The following UNC13B variants were observed in gnomAD, a reference collection of about 807,000 sequenced individuals.
The protein encoded by UNC13B is protein unc-13 homolog B.
In UNC13B, 144 loss-of-function variants were observed where a neutral mutation model predicts 211.0. That is an observed-to-expected ratio of 0.68 (90% confidence interval 0.60 to 0.78). The LOEUF (loss-of-function observed/expected upper bound fraction) is 0.78, where lower values mean the gene tolerates loss of function less well. Ranked by LOEUF, UNC13B falls within the 30% of genes least tolerant of loss-of-function variation. The pLI is 0.00. For synonymous variants in UNC13B, 709 were observed against 725.8 expected, an observed-to-expected ratio of 0.98 and a Z score of 0.37; for missense variants, 1,777 against 2,002.0, an observed-to-expected ratio of 0.89 and a Z score of 2.14.
At chr9:35,350,529 A>G (rs1234124932) in intron 11 of UNC13B, among the ~76,000 whole-genome samples, 2 of 152,172 alleles carry the variant, frequency 1.3e-5, no homozygotes, top group Non-Finnish European at 2.9e-5. Flanking sequence ...AGAGAGTATT[A>G]AGTGGAGCTC....
Position 35,243,329 on chromosome 9 carries a change from T to C in UNC13B, c.433T>C (p.Trp145Arg), listed in dbSNP as rs1347641134. 3 of 1,613,532 alleles carry C rather than the reference T, an allele frequency of 1.9e-6. No homozygotes were observed. Among genetic ancestry groups the C allele is most frequent in the African/African-American group, 1.3e-5 (1 of 75,012 alleles). Residue 145 changes from tryptophan (W) to arginine (R), a missense_variant, in exon 6 of 40, where the codon TGG becomes CGG. Transcript: ENST00000635942. ...EEEARYWTYKWEQINALGADN... is the reference protein window; with the variant it reads ...EEEARYWTYKREQINALGADN... ...GGAAGCCAGATATTGGACCTACAAA[T>C]GGGAGCAAATCAATGCCTTGGGAGC... is the stretch of plus-strand genomic sequence containing the variant.
intron 1 of UNC13B, among the ~76,000 whole-genome samples, chr9:35,224,962 C>T (rs765718872): frequency 6.6e-5 from 10 of 151,520 alleles, no homozygotes; most frequent in Non-Finnish European, 1.2e-4. Context: ...ATAGAAAAGG[C>T]GTTTGATAAA....
At chr9:35,339,403 C>T (rs1424721567) in intron 11 of UNC13B, among the ~76,000 whole-genome samples, 1 of 152,172 alleles carries the variant, frequency 6.6e-6, no homozygotes, top group Non-Finnish European at 1.5e-5. Context: ...ATGTGGCTCA[C>T]AAAACAAATT....
intron 21 of UNC13B, among the ~76,000 whole-genome samples, 176 bp from the exon 22 acceptor site, chr9:35,384,070 A>G (rs1203111364): frequency 3.3e-5 from 5 of 152,056 alleles, no homozygotes; most frequent in African/African-American, 1.2e-4. Context: ...GGGACTTTCT[A>G]TCTCATTTTT....
chr9:35,386,152 T>C lies in UNC13B; in HGVS notation c.10966-13T>C, dbSNP rs1234167379. On this transcript the variant is annotated splice_polypyrimidine_tract_variant and intron_variant, in intron 23 of 39. Transcript: ENST00000635942. ...CAGGTCCTTGGGCCCATATTTCTTC[T>C]TTTAATTGGCAGGTACAAGAACTGC... 1 of 1,614,080 alleles carries C rather than the reference T, an allele frequency of 6.2e-7. No individual in the cohort carries two copies. The highest frequency in any genetic ancestry group is 2.2e-5 in the East Asian group (1 of 44,882).
chr9:35,319,402 C>CAAAAAAA (rs74176715), intron 11 of UNC13B, among the ~76,000 whole-genome samples: 1 of 56,188 alleles, frequency 1.8e-5, no homozygotes, highest in Admixed American at 2.1e-4. Flanking sequence ...GACCCTATCT[C>CAAAAAAA]AAAAAAAAAA....
chr9:35,258,067 A>G (rs951486628), intron 6 of UNC13B, among the ~76,000 whole-genome samples: 1 of 152,244 alleles, frequency 6.6e-6, no homozygotes, highest in Non-Finnish European at 1.5e-5. Flanking sequence ...AAGGCCTTGC[A>G]CGTAGTGGAT....
At chr9:35,312,394 A>C (rs1830222109) in intron 10 of UNC13B, among the ~76,000 whole-genome samples, 1 of 152,164 alleles carries the variant, frequency 6.6e-6, no homozygotes, top group African/African-American at 2.4e-5. Context: ...GACATCCAGG[A>C]GGTGAGCTGT....
chr9:35,162,180 A>G lies in UNC13B; in HGVS notation c.-104A>G. 1 of 1,507,734 alleles carries G rather than the reference A, an allele frequency of 6.6e-7. No homozygotes were observed. The highest frequency in any genetic ancestry group is 8.9e-7 in the Non-Finnish European group (1 of 1,119,540). The allele number at this position is 1,507,734 out of a possible 1,614,324, so 93.4% of individuals were successfully genotyped here. ...GACCGGGACCATGAGGAGCTGCCAGACCCGTGGGGCCGGTAACGAGAGCAG... is the reference window on the plus strand; with the variant it reads ...GACCGGGACCATGAGGAGCTGCCAGGCCCGTGGGGCCGGTAACGAGAGCAG... On this transcript the variant is annotated 5_prime_UTR_variant, in exon 1 of 40. Coordinates refer to ENST00000635942, the MANE Select transcript of UNC13B (RefSeq NM_001371189.2).
intron 34 of UNC13B, 21 bp downstream of exon 34, chr9:35,399,305 TTCC>T: frequency 6.2e-7 from 1 of 1,614,158 alleles, no homozygotes. Context: ...CTCCTTCCAC[TTCC>T]TCCTGCTGTC....
At position 35,306,140 on chromosome 9, in the gene UNC13B, T is replaced by C. The variant is rs3780729; in HGVS notation, c.6736T>C (p.Cys2246Arg). ...STVVPVTSQP[C>R]KKTNVFVESG... is the part of the protein sequence containing the mutation. ...TGTTGTTCCAGTGACCTCCCAGCCC[T>C]GTAAGAAGACAAATGTTTTTGTAGA... Residue 2246 changes from cysteine (C) to arginine (R), a missense_variant, in exon 9 of 40, where the codon TGT (cysteine) becomes CGT (arginine). Cys to Arg is a radical substitution (Grantham distance 180). Transcript: ENST00000635942. The C allele has an allele frequency of 0.087, 34,602 of 398,950 alleles. 2,306 individuals carry two copies. The highest frequency in any genetic ancestry group is 0.28 in the East Asian group (7,960 of 28,062). 24.7% of individuals were successfully genotyped at this position (398,950 alleles called of 1,614,324 possible).
Position 35,397,231 on chromosome 9 carries a change from A to G in UNC13B, c.11597A>G (p.Asn3866Ser), listed in dbSNP as rs370999495. The G allele has an allele frequency of 1.0e-4, 163 of 1,613,992 alleles. No homozygotes were observed. The highest frequency in any genetic ancestry group is 3.3e-4 in the Middle Eastern group (2 of 6,070). The change falls in exon 29 of 40, where the codon AAT becomes AGT. Residue 3866 changes from asparagine to serine, a missense_variant. Transcript: ENST00000635942. ...GTGGTGGATGTCTTCACACAACTCA[A>G]TCAGAGCTTTGAGATCATCCGGAAG... ...CSVVDVFTQL[N>S]QSFEIIRKLE...
intron 11 of UNC13B, chr9:35,342,321 C>G (rs189779856): frequency 1.0e-6 from 1 of 985,552 alleles, no homozygotes; most frequent in South Asian, 4.7e-5. Context: ...TTTCCTTAAC[C>G]CTTATTTTGG....
intron 11 of UNC13B, among the ~76,000 whole-genome samples, chr9:35,331,134 A>G (rs12376673): frequency 0.2 from 30,662 of 152,136 alleles, 3,286 homozygotes; most frequent in Non-Finnish European, 0.24. Context: ...CATCCAACCA[A>G]TGAGAATATT....
intron 1 of UNC13B, among the ~76,000 whole-genome samples, chr9:35,180,666 A>G (rs1197478642): frequency 6.6e-6 from 1 of 152,130 alleles, no homozygotes; most frequent in African/African-American, 2.4e-5. Context: ...AGCCTTTCTG[A>G]GTTTTAATCT....
chr9:35,315,557 C>T (rs1830408186), intron 11 of UNC13B, among the ~76,000 whole-genome samples: 1 of 152,084 alleles, frequency 6.6e-6, no homozygotes, highest in Admixed American at 6.5e-5. Context: ...TCTGTCATTC[C>T]TAAATCTTCC....
intron 1 of UNC13B, among the ~76,000 whole-genome samples, chr9:35,221,350 G>A (rs939553272): frequency 1.3e-5 from 2 of 152,150 alleles, no homozygotes; most frequent in Admixed American, 6.5e-5. Context: ...GATTACATGC[G>A]TGAGCCACCA....
Position 35,398,166 on chromosome 9 carries a change from A to G in UNC13B, c.11755-45A>G, listed in dbSNP as rs766992048. Reference sequence around the variant, plus strand: ...GAGGGAACCTAGGCTAATGGGTCCTATGCTGAAAGGAGCCAAGACTCAACA... The same window carrying G: ...GAGGGAACCTAGGCTAATGGGTCCTGTGCTGAAAGGAGCCAAGACTCAACA... On this transcript the variant is annotated intron_variant, in intron 30 of 39. Transcript: ENST00000635942. The G allele has an allele frequency of 9.4e-6, 15 of 1,588,224 alleles. No individual in the cohort carries two copies. In the East Asian group the frequency reaches 3.2e-4, roughly 33 times the overall value.
chr9:35,403,787 G>A lies in UNC13B; in HGVS notation c.12777G>A (p.Leu4259=). The A allele has an allele frequency of 6.2e-7, 1 of 1,614,138 alleles. No homozygotes were observed. The change falls in exon 40 of 40, where the codon TTG becomes TTA. Residue 4259 remains leucine, a synonymous_variant. Coordinates refer to ENST00000635942, the MANE Select transcript of UNC13B (RefSeq NM_001371189.2). The stretch of plus-strand genomic sequence containing the variant: ...AGGAGGGGCCCGAGTCCTATGAGTT[G>A]CAGATATGCGTGAAGGATTACTGCT... ...GNEEGPESYE[L]QICVKDYCFA...
Sources: gnomAD v4.1 joint callset for allele counts (sites outside exome capture counted in the v4.1 genomes callset) on GRCh38, gnomAD v4.1.1 for gene constraint, MANE v1.5 for transcripts, NCBI Gene and HGNC (gene_info 2026-07-23, HGNC 2026-07-21) for gene names.